CNIH3: variants seen among roughly 807,000 people sequenced by gnomAD.
The protein encoded by CNIH3 is protein cornichon homolog 3.
Under a neutral mutation model 24.1 loss-of-function variants are expected in CNIH3, and 14 were observed. That is an observed-to-expected ratio of 0.58 (90% confidence interval 0.38 to 0.91). The LOEUF is 0.91. Ranked by LOEUF, CNIH3 falls within the 40% of genes least tolerant of loss-of-function variation. The probability of loss-of-function intolerance (pLI) is 0.00; values close to 1 mark genes in which losing one functional copy is unlikely to be tolerated. For missense variants in CNIH3, 178 were observed against 196.8 expected, an observed-to-expected ratio of 0.90 and a Z score of 0.57; for synonymous variants, 68 against 73.8, an observed-to-expected ratio of 0.92 and a Z score of 0.40.
intron 3 of CNIH3, among the ~76,000 whole-genome samples, chr1:224,564,665 A>G (rs1184544943): frequency 6.6e-6 from 1 of 152,254 alleles, no homozygotes; most frequent in Non-Finnish European, 1.5e-5. Flanking sequence ...TGGGGTTTAC[A>G]TGCTTTGGAG....
chr1:224,561,932 G>T (rs2124984606), intron 3 of CNIH3, among the ~76,000 whole-genome samples: 1 of 152,288 alleles, frequency 6.6e-6, no homozygotes, highest in Non-Finnish European at 1.5e-5. Context: ...AGAATGGATT[G>T]AAGGACTTTC....
intron 3 of CNIH3, among the ~76,000 whole-genome samples, chr1:224,557,796 A>G (rs955315718): frequency 1.3e-5 from 2 of 152,174 alleles, no homozygotes; most frequent in Non-Finnish European, 2.9e-5. Context: ...GAATTCCTTC[A>G]GTGGGATATG....
chr1:224,617,501 C>G (rs1481833169), intron 1 of CNIH3, among the ~76,000 whole-genome samples: 2 of 152,162 alleles, frequency 1.3e-5, no homozygotes, highest in Non-Finnish European at 2.9e-5. Flanking sequence ...CTGGGCGTCC[C>G]GGGTCCCGGG....
intron 1 of CNIH3, among the ~76,000 whole-genome samples, chr1:224,633,260 G>A (rs762752110): frequency 4.6e-5 from 7 of 152,090 alleles, no homozygotes; most frequent in Non-Finnish European, 8.8e-5. Flanking sequence ...CCAGGTTCAA[G>A]CGATTCTCCC....
upstream of CNIH3, among the ~76,000 whole-genome samples, chr1:224,515,392 T>C (rs1257501491): frequency 6.6e-6 from 1 of 152,258 alleles, no homozygotes; most frequent in African/African-American, 2.4e-5. Context: ...TCTTGTTAAC[T>C]GCAATGGTTT....
At chr1:224,574,855 T>A in intron 4 of CNIH3, 1 of 963,600 alleles carries the variant, frequency 1.0e-6, no homozygotes, top group Non-Finnish European at 1.7e-6. Flanking sequence ...AGTAACATTC[T>A]GGACACATGG....
At chr1:224,698,702 A>T (rs543421400) in intron 3 of CNIH3, among the ~76,000 whole-genome samples, 1 of 152,358 alleles carries the variant, frequency 6.6e-6, no homozygotes, top group South Asian at 2.1e-4. Context: ...AGGTAGGTAT[A>T]GGTGGAATTC....
rs1680370377 is a variant in CNIH3, at chr1:224,561,465, C to T, written n.451-4734C>T. Among the ~76,000 whole-genome samples, 3 of 152,200 alleles carry T rather than the reference C, an allele frequency of 2.0e-5. No homozygotes were observed. The South Asian group carries it at 6.2e-4, about 32-fold the overall frequency. ...TTAGTACTTGAGAAGCTATCTTTTC[C>T]TCATTACTCTGATCTTTATGCTGGG... On this transcript the variant is annotated intron_variant and non_coding_transcript_variant, in intron 3 of 5. Transcript: ENST00000471578.
chr1:224,437,495 G>C (rs1285904693), intron 1 of CNIH3, among the ~76,000 whole-genome samples: 3 of 152,176 alleles, frequency 2.0e-5, no homozygotes, highest in Admixed American at 1.3e-4. Flanking sequence ...AACTGTAAGA[G>C]GTCTGTGAAC....
intron 1 of CNIH3, among the ~76,000 whole-genome samples, chr1:224,503,135 A>G (rs1017232584): frequency 1.3e-5 from 2 of 152,132 alleles, no homozygotes; most frequent in Non-Finnish European, 2.9e-5. Context: ...GAGGATGAGA[A>G]AGAAGATGGC....
intron 3 of CNIH3, among the ~76,000 whole-genome samples, chr1:224,693,342 GT>G (rs2125162260): frequency 6.6e-6 from 1 of 152,340 alleles, no homozygotes; most frequent in Non-Finnish European, 1.5e-5. Flanking sequence ...TGGGTAGCTG[GT>G]TGGCCCTATC....
chr1:224,546,984 A>G, intron 3 of CNIH3: 1 of 853,926 alleles, frequency 1.2e-6, no homozygotes, highest in Non-Finnish European at 1.4e-6. Flanking sequence ...AGGACTTTTG[A>G]AGTAGTAATT....
rs200807437 is a variant in CNIH3 at position 224,585,477 on chromosome 1, CT to C, written n.620+2223del. 2.6e-3 allele frequency among the ~76,000 whole-genome samples: 374 copies of C among 144,954 alleles called. 3 individuals carry two copies. Among genetic ancestry groups the C allele is most frequent in the East Asian group, 8.8e-3 (44 of 4,988 alleles). On this transcript the variant is annotated intron_variant and non_coding_transcript_variant, in intron 5 of 5. Coordinates refer to the CNIH3 transcript ENST00000471578. ...TAAACCAAAGCACAGTTCTTTTATT[CT>C]TTTTTTTTTTTTATTTTTGAGACAG...
intron 1 of CNIH3, among the ~76,000 whole-genome samples, chr1:224,449,254 G>A (rs1406158220): frequency 2.6e-5 from 4 of 151,940 alleles, no homozygotes; most frequent in South Asian, 2.1e-4. Flanking sequence ...GTGAGCCACC[G>A]CACCCGGCCA....
intron 1 of CNIH3, among the ~76,000 whole-genome samples, chr1:224,478,154 T>C (rs1284817895): frequency 1.3e-5 from 2 of 152,204 alleles, no homozygotes; most frequent in Admixed American, 6.5e-5. Flanking sequence ...TTGGGTTAAA[T>C]ATGCTTGGTT....
At chr1:224,591,628 A>G (rs1681759171), downstream of CNIH3, among the ~76,000 whole-genome samples, 6 of 152,190 alleles carry the variant, frequency 3.9e-5, no homozygotes, top group Admixed American at 3.9e-4. Context: ...TTCAGATACT[A>G]TGCCGTAAAA....
intron 2 of CNIH3, chr1:224,521,634 G>A (rs1678637042): frequency 6.6e-6 from 1 of 152,132 alleles, no homozygotes; most frequent in African/African-American, 2.4e-5. Flanking sequence ...TGCTAGCCTG[G>A]AATTGTTGGG....
chr1:224,594,058 G>A (rs1460065923), intron 3 of CNIH3, among the ~76,000 whole-genome samples: 4 of 152,208 alleles, frequency 2.6e-5, no homozygotes, highest in African/African-American at 9.6e-5. Flanking sequence ...AGTTGAAAAA[G>A]TTCTGGAGAT....
chr1:224,480,656 G>A (rs1676770642), intron 1 of CNIH3, among the ~76,000 whole-genome samples: 1 of 152,070 alleles, frequency 6.6e-6, no homozygotes. Flanking sequence ...TCTAGGGCAG[G>A]GGCGAAATGC....
Sources: gnomAD v4.1 joint callset for allele counts (sites outside exome capture counted in the v4.1 genomes callset) on GRCh38, gnomAD v4.1.1 for gene constraint, MANE v1.5 for transcripts, NCBI Gene and HGNC (gene_info 2026-07-23, HGNC 2026-07-21) for gene names.